The following ZBTB20 variants were observed in gnomAD, a reference collection of about 807,000 sequenced individuals.
ZBTB20 encodes zinc finger and BTB domain-containing protein 20.
A neutral mutation model predicts 56.9 loss-of-function variants in ZBTB20; 9 were observed. The observed-to-expected ratio is 0.16, with a 90% confidence interval of 0.10 to 0.28. ZBTB20 has a LOEUF of 0.28. ZBTB20 is among the 10% of genes least tolerant of loss of function. The probability of loss-of-function intolerance (pLI) is 1.00; values close to 1 mark genes in which losing one functional copy is unlikely to be tolerated. For synonymous variants in ZBTB20, 417 were observed against 420.7 expected (o/e 0.99, Z 0.11); for missense variants, 655 against 1,003.0 (o/e 0.65, Z 4.69).
At chr3:114,814,925 G>A (rs552683019) in intron 4 of ZBTB20, among the ~76,000 whole-genome samples, 2 of 152,134 alleles carry the variant, frequency 1.3e-5, no homozygotes, top group Non-Finnish European at 2.9e-5. Context: ...TTTCTAAGTT[G>A]TATTGAAACT....
intron 5 of ZBTB20, among the ~76,000 whole-genome samples, chr3:114,757,492 T>C (rs2068090658): frequency 6.6e-6 from 1 of 152,082 alleles, no homozygotes; most frequent in Non-Finnish European, 1.5e-5. Flanking sequence ...GTGGTATTCA[T>C]AATAAAGCAG....
At chr3:115,132,988 A>G (rs2084550840) in intron 1 of ZBTB20, among the ~76,000 whole-genome samples, 2 of 152,260 alleles carry the variant, frequency 1.3e-5, no homozygotes, top group South Asian at 4.1e-4. Context: ...TTTTCCTTAG[A>G]ATTTTTTAAT....
intron 6 of ZBTB20, among the ~76,000 whole-genome samples, chr3:114,631,379 A>ATTTT (rs1479430066): frequency 9.8e-4 from 22 of 22,362 alleles, no homozygotes; most frequent in Non-Finnish European, 1.8e-3. Flanking sequence ...TAAATAGGTT[A>ATTTT]TTCTTTTTTT....
At chr3:114,734,664 G>C (rs2066002031) in intron 5 of ZBTB20, among the ~76,000 whole-genome samples, 1 of 152,128 alleles carries the variant, frequency 6.6e-6, no homozygotes, top group Admixed American at 6.6e-5. Context: ...ATAAATGTGA[G>C]CTGTACATGC....
At chr3:115,115,852 C>T (rs1395762751) in intron 1 of ZBTB20, among the ~76,000 whole-genome samples, 1 of 151,958 alleles carries the variant, frequency 6.6e-6, no homozygotes, top group African/African-American at 2.4e-5. Flanking sequence ...AATGGTCTTC[C>T]ACCATCGCAC....
At chr3:114,688,127 G>A (rs2062461387) in intron 6 of ZBTB20, 1 of 152,116 alleles carries the variant, frequency 6.6e-6, no homozygotes, top group Non-Finnish European at 1.5e-5. Flanking sequence ...CTACTTGGGA[G>A]GCTAAGGCAC....
intron 4 of ZBTB20, among the ~76,000 whole-genome samples, chr3:114,821,244 C>T (rs1224571031): frequency 6.6e-6 from 1 of 152,112 alleles, no homozygotes; most frequent in African/African-American, 2.4e-5. Flanking sequence ...TACTCAACTG[C>T]AGAATAATGC....
intron 1 of ZBTB20, among the ~76,000 whole-genome samples, chr3:115,127,728 T>C (rs1448148879): frequency 6.6e-6 from 1 of 152,222 alleles, no homozygotes; most frequent in Non-Finnish European, 1.5e-5. Context: ...TAAACTCAAC[T>C]GACCGCTGAA....
chr3:114,649,515 G>T (rs1004115413), intron 6 of ZBTB20, among the ~76,000 whole-genome samples: 1 of 151,844 alleles, frequency 6.6e-6, no homozygotes, highest in Admixed American at 6.6e-5. Context: ...TCTCTGCTTT[G>T]TGACTCATGG....
chr3:114,464,304 T>G (rs1402887014), intron 7 of ZBTB20, among the ~76,000 whole-genome samples: 1 of 152,242 alleles, frequency 6.6e-6, no homozygotes, highest in Non-Finnish European at 1.5e-5. Context: ...TTATTTTTCC[T>G]GTGTGACACT....
chr3:114,953,835 G>A (rs987524817), intron 3 of ZBTB20, among the ~76,000 whole-genome samples: 8 of 152,000 alleles, frequency 5.3e-5, no homozygotes, highest in Admixed American at 1.3e-4. Flanking sequence ...GAAAAAATTA[G>A]CTTCATAAGA....
chr3:114,607,554 C>T (rs535536560), intron 6 of ZBTB20, among the ~76,000 whole-genome samples: 21 of 152,146 alleles, frequency 1.4e-4, no homozygotes, highest in East Asian at 1.2e-3. Flanking sequence ...CCACCCGCCT[C>T]GGCCTCCCAA....
At chr3:115,047,016 G>A (rs983333835) in intron 2 of ZBTB20, among the ~76,000 whole-genome samples, 9 of 152,162 alleles carry the variant, frequency 5.9e-5, no homozygotes, top group African/African-American at 1.7e-4. Context: ...CCACAGTACA[G>A]TAATATGTTG....
At chr3:114,843,314 CCT>C (rs544742391) in intron 4 of ZBTB20, among the ~76,000 whole-genome samples, 34 of 152,260 alleles carry the variant, frequency 2.2e-4, no homozygotes, top group African/African-American at 7.9e-4. Context: ...TCTATCTCCC[CCT>C]GAGTCCAGAT....
At chr3:114,583,277 C>G (rs990678825) in intron 6 of ZBTB20, among the ~76,000 whole-genome samples, 2 of 152,068 alleles carry the variant, frequency 1.3e-5, no homozygotes, top group African/African-American at 4.8e-5. Flanking sequence ...AAATGTGAAA[C>G]AGAGAAATGA....
intron 5 of ZBTB20, among the ~76,000 whole-genome samples, chr3:114,712,763 A>G (rs1190200603): frequency 3.3e-5 from 5 of 152,218 alleles, no homozygotes; most frequent in Non-Finnish European, 7.3e-5. Context: ...TTCAAATATA[A>G]TAAGCAATAG....
chr3:114,741,987 A>G (rs914853252), intron 5 of ZBTB20, among the ~76,000 whole-genome samples: 1 of 152,196 alleles, frequency 6.6e-6, no homozygotes, highest in African/African-American at 2.4e-5. Flanking sequence ...GAGTATGAAC[A>G]ATTTTCCTTT....
At chr3:114,469,988 C>CA (rs2039940799) in intron 7 of ZBTB20, among the ~76,000 whole-genome samples, 1 of 151,964 alleles carries the variant, frequency 6.6e-6, no homozygotes, top group African/African-American at 2.4e-5. Context: ...AAATAAAAAA[C>CA]AAAAACCACT....
intron 6 of ZBTB20, among the ~76,000 whole-genome samples, chr3:114,540,853 T>C (rs2049029580): frequency 6.6e-6 from 1 of 152,118 alleles, no homozygotes; most frequent in South Asian, 2.1e-4. Context: ...GCAATTCCTT[T>C]AGTTTTTATG....
Sources: gnomAD v4.1 joint callset for allele counts (sites outside exome capture counted in the v4.1 genomes callset) on GRCh38, gnomAD v4.1.1 for gene constraint, MANE v1.5 for transcripts, NCBI Gene and HGNC (gene_info 2026-07-23, HGNC 2026-07-21) for gene names.